The following PLCB1 variants were observed in gnomAD, a reference collection of about 807,000 sequenced individuals.
PLCB1 encodes the protein 1-phosphatidylinositol 4,5-bisphosphate phosphodiesterase beta-1.
A neutral mutation model predicts 161.8 loss-of-function variants in PLCB1; 46 were observed. That is an observed-to-expected ratio of 0.28 (90% CI 0.22 to 0.36). The LOEUF is 0.36. Ranked by LOEUF, PLCB1 falls within the 10% of genes least tolerant of loss-of-function variation. PLCB1 has a pLI of 1.00. For synonymous variants in PLCB1, 517 were observed against 503.7 expected (o/e 1.03, Z -0.35); for missense variants, 1,016 against 1,472.5 (o/e 0.69, Z 5.07).
intron 3 of PLCB1, among the ~76,000 whole-genome samples, chr20:8,622,704 C>T (rs549391576): frequency 3.9e-5 from 6 of 152,296 alleles, no homozygotes; most frequent in African/African-American, 1.2e-4. Flanking sequence ...TGTCTTACTT[C>T]CCCACTCCTC....
At chr20:8,655,900 G>A (rs1017681484) in intron 7 of PLCB1, among the ~76,000 whole-genome samples, 2 of 151,986 alleles carry the variant, frequency 1.3e-5, no homozygotes, top group Non-Finnish European at 2.9e-5. Flanking sequence ...CTTAGAGAGA[G>A]GGTGGTACTG....
intron 19 of PLCB1, among the ~76,000 whole-genome samples, chr20:8,734,104 G>GGCGACAGA (rs1174862289): frequency 8.6e-6 from 1 of 116,552 alleles, no homozygotes; most frequent in Non-Finnish European, 1.6e-5. Context: ...CTCCAGCCTG[G>GGCGACAGA]GCGACAGAGC....
chr20:8,818,776 A>C (rs1363193552), intron 31 of PLCB1, among the ~76,000 whole-genome samples: 1 of 152,090 alleles, frequency 6.6e-6, no homozygotes, highest in Non-Finnish European at 1.5e-5. Context: ...CCCCGTCTCT[A>C]CTAAAAATAC....
At chr20:8,814,674 T>C (rs1327111099) in intron 31 of PLCB1, among the ~76,000 whole-genome samples, 1 of 152,136 alleles carries the variant, frequency 6.6e-6, no homozygotes, top group African/African-American at 2.4e-5. Flanking sequence ...TAAAGAAGCT[T>C]ATGTTGGTAC....
rs770977674 is a variant in PLCB1 at position 8,371,378 on chromosome 20, C to A, written c.178-4C>A. The A allele has an allele frequency of 1.9e-6, 3 of 1,609,784 alleles. No homozygotes were observed. The African/African-American group carries it at 4.0e-5, about 22-fold the overall frequency. ...CTTAACGATTTCACGTTTTTGCCTT[C>A]CAGGAGACAGAGCTACTGGATCTCA... On this transcript the variant is annotated splice_polypyrimidine_tract_variant and splice_region_variant and intron_variant, in intron 2 of 31. Transcript: ENST00000338037.
chr20:8,270,631 A>G (rs1488935014), intron 2 of PLCB1, among the ~76,000 whole-genome samples: 1 of 152,170 alleles, frequency 6.6e-6, no homozygotes, highest in Non-Finnish European at 1.5e-5. Flanking sequence ...TCTGAAAAAA[A>G]TAGGAATCAC....
chr20:8,586,042 G>A (rs952433111), intron 3 of PLCB1, among the ~76,000 whole-genome samples: 1 of 152,164 alleles, frequency 6.6e-6, no homozygotes, highest in South Asian at 2.1e-4. Context: ...CTCGCTGAAT[G>A]AATGCATGCA....
chr20:8,241,683 TGGAGGCTGAGAAA>T (rs1488352737), intron 2 of PLCB1, among the ~76,000 whole-genome samples: 4 of 151,792 alleles, frequency 2.6e-5, no homozygotes, highest in Non-Finnish European at 5.9e-5. Flanking sequence ...TATCAGGAAA[TGGAGGCTGAGAAA>T]GAGAATAACA....
At chr20:8,176,323 G>C (rs915727327) in intron 2 of PLCB1, among the ~76,000 whole-genome samples, 3 of 152,294 alleles carry the variant, frequency 2.0e-5, no homozygotes, top group African/African-American at 7.2e-5. Flanking sequence ...AAAAAGCAAT[G>C]AACTATTGGT....
intron 1 of PLCB1, among the ~76,000 whole-genome samples, chr20:8,136,308 C>A (rs535584263): frequency 2.8e-4 from 43 of 152,252 alleles, no homozygotes; most frequent in African/African-American, 1.0e-3. Flanking sequence ...GACATACAGG[C>A]AACCTTCAAT....
intron 16 of PLCB1, among the ~76,000 whole-genome samples, chr20:8,725,075 C>T (rs1036731276): frequency 6.6e-6 from 1 of 152,064 alleles, no homozygotes; most frequent in Admixed American, 6.6e-5. Context: ...TTTTTGTTCG[C>T]AACACACAGT....
chr20:8,780,631 A>G (rs909626000), intron 27 of PLCB1, among the ~76,000 whole-genome samples: 19 of 152,144 alleles, frequency 1.2e-4, no homozygotes, highest in African/African-American at 4.1e-4. Context: ...AGTACCATCA[A>G]ACTGAGTTCA....
rs1305137695 is a variant in PLCB1, at chr20:8,883,362, G to A, written c.*1513G>A. On this transcript the variant is annotated 3_prime_UTR_variant, in exon 32 of 32. Coordinates refer to ENST00000338037, the MANE Select transcript of PLCB1 (RefSeq NM_015192.4). ...GAATAAGAGAAACAAATTATATCAA[G>A]GTAAAACTGATCAAAAGCATAATTG... 2 of 151,634 alleles carry A rather than the reference G, an allele frequency of 1.3e-5. No individual in the cohort carries two copies. The highest frequency in any genetic ancestry group is 1.3e-4 in the Admixed American group (2 of 15,208). 9.4% of individuals were successfully genotyped at this position (151,634 alleles called of 1,614,324 possible). A position where few individuals can be genotyped will look rare whatever the true frequency, so the allele number is the denominator to read the frequency against.
chr20:8,234,370 G>A (rs1032523531), intron 2 of PLCB1, among the ~76,000 whole-genome samples: 4 of 152,088 alleles, frequency 2.6e-5, no homozygotes, highest in African/African-American at 9.7e-5. Flanking sequence ...ACAGAAATAT[G>A]CAGTGTATGA....
chr20:8,483,940 C>G (rs1021565285), intron 3 of PLCB1, among the ~76,000 whole-genome samples: 13 of 152,280 alleles, frequency 8.5e-5, no homozygotes, highest in African/African-American at 3.1e-4. Context: ...CAAATGCACA[C>G]ACATAGCAGC....
intron 3 of PLCB1, among the ~76,000 whole-genome samples, chr20:8,541,242 G>A (rs375297116): frequency 6.6e-6 from 1 of 152,142 alleles, no homozygotes; most frequent in Non-Finnish European, 1.5e-5. Context: ...GTAACTGCTG[G>A]TGTGCCACTA....
chr20:8,713,946 C>T (rs527785573), intron 12 of PLCB1, among the ~76,000 whole-genome samples: 1 of 152,200 alleles, frequency 6.6e-6, no homozygotes, highest in Admixed American at 6.5e-5. Flanking sequence ...CCTTAAATTC[C>T]TCTAATGGAA....
chr20:8,795,110 T>C (rs1233907943), intron 31 of PLCB1, among the ~76,000 whole-genome samples: 1 of 152,224 alleles, frequency 6.6e-6, no homozygotes, highest in Non-Finnish European at 1.5e-5. Flanking sequence ...TAAGTCTTTC[T>C]GGTCGCTATT....
At chr20:8,769,910 C>T (rs1982578202) in intron 26 of PLCB1, among the ~76,000 whole-genome samples, 1 of 152,078 alleles carries the variant, frequency 6.6e-6, no homozygotes, top group South Asian at 2.1e-4. Flanking sequence ...ACTATCAAAA[C>T]CTAATACTTG....
Sources: gnomAD v4.1 joint callset for allele counts (sites outside exome capture counted in the v4.1 genomes callset) on GRCh38, gnomAD v4.1.1 for gene constraint, MANE v1.5 for transcripts, NCBI Gene and HGNC (gene_info 2026-07-23, HGNC 2026-07-21) for gene names.